Variants in REEP3 observed in about 807,000 individuals in gnomAD.
REEP3 encodes the protein receptor expression-enhancing protein 3.
A neutral mutation model predicts 41.3 loss-of-function variants in REEP3; 20 were observed. The observed-to-expected ratio is 0.48, with a 90% CI of 0.34 to 0.70. The LOEUF is 0.70. REEP3 is among the 30% of genes least tolerant of loss of function. The pLI is 0.01. For missense variants in REEP3, 271 were observed against 308.8 expected (o/e 0.88, Z 0.92); for synonymous variants, 104 against 101.8 (o/e 1.02, Z -0.13).
intron 1 of REEP3, among the ~76,000 whole-genome samples, chr10:63,550,258 T>C (rs1467550383): frequency 1.3e-5 from 2 of 152,202 alleles, no homozygotes; most frequent in South Asian, 4.1e-4. Flanking sequence ...CATCCAGTGA[T>C]AGAAGTGAAG....
At chr10:63,591,959 T>C (rs1956068226) in intron 2 of REEP3, among the ~76,000 whole-genome samples, 1 of 152,194 alleles carries the variant, frequency 6.6e-6, no homozygotes, top group African/African-American at 2.4e-5. Context: ...AGTTGTAAAA[T>C]AATGAAAACG....
chr10:63,575,069 T>C (rs955965396), intron 2 of REEP3, among the ~76,000 whole-genome samples: 2 of 152,042 alleles, frequency 1.3e-5, no homozygotes, highest in Non-Finnish European at 2.9e-5. Flanking sequence ...TTGGCCAAGC[T>C]GGTCTCGAAC....
At chr10:63,579,407 A>G (rs1366441742) in intron 2 of REEP3, among the ~76,000 whole-genome samples, 1 of 152,242 alleles carries the variant, frequency 6.6e-6, no homozygotes, top group Non-Finnish European at 1.5e-5. Flanking sequence ...GAAAGTAAGT[A>G]TTAAATTTGA....
chr10:63,614,831 T>G (rs1445165913), intron 6 of REEP3, among the ~76,000 whole-genome samples: 1 of 152,230 alleles, frequency 6.6e-6, no homozygotes, highest in East Asian at 1.9e-4. Flanking sequence ...GATGACAATC[T>G]GGCAGTAATC....
intron 2 of REEP3, among the ~76,000 whole-genome samples, chr10:63,591,662 CAT>C (rs1302602066): frequency 6.6e-6 from 1 of 152,156 alleles, no homozygotes; most frequent in Non-Finnish European, 1.5e-5. Context: ...TAGGAAAAAA[CAT>C]ATATTTTAAA....
chr10:63,559,467 A>G (rs1955721249), intron 1 of REEP3, among the ~76,000 whole-genome samples: 1 of 152,104 alleles, frequency 6.6e-6, no homozygotes, highest in African/African-American at 2.4e-5. Context: ...CTTGGTAGTA[A>G]TATGTATAGG....
intron 1 of REEP3, among the ~76,000 whole-genome samples, chr10:63,538,648 C>T (rs1413959759): frequency 3.9e-5 from 6 of 152,064 alleles, no homozygotes; most frequent in African/African-American, 9.7e-5. Flanking sequence ...GCAGGAGAAT[C>T]GCTTGAACCC....
chr10:63,551,974 T>C (rs536060550), intron 1 of REEP3, among the ~76,000 whole-genome samples: 2 of 152,318 alleles, frequency 1.3e-5, no homozygotes, highest in African/African-American at 4.8e-5. Context: ...TCACACTTTT[T>C]CTGCAAAACT....
At chr10:63,550,883 T>G (rs1955622869) in intron 1 of REEP3, among the ~76,000 whole-genome samples, 1 of 152,228 alleles carries the variant, frequency 6.6e-6, no homozygotes, top group African/African-American at 2.4e-5. Context: ...TAGGAAAGTC[T>G]TAATGCAAAG....
chr10:63,612,768 G>A (rs1956285830), intron 6 of REEP3, among the ~76,000 whole-genome samples: 1 of 151,242 alleles, frequency 6.6e-6, no homozygotes, highest in South Asian at 2.1e-4. Context: ...TCCAGCCTGG[G>A]TGACAGAGAG....
intron 1 of REEP3, among the ~76,000 whole-genome samples, chr10:63,532,781 C>G (rs1003424583): frequency 1.3e-5 from 2 of 151,942 alleles, no homozygotes; most frequent in African/African-American, 4.8e-5. Context: ...GCCTGCAGTC[C>G]CAGCTACTCA....
rs1382070664 is a variant in REEP3 at position 63,599,292 on chromosome 10, T to A, written c.417+9T>A. On this transcript the variant is annotated intron_variant, in intron 5 of 7. Coordinates refer to ENST00000373758, the MANE Select transcript of REEP3 (RefSeq NM_001001330.3). ...TTACTGCAGCAGTAAAGGTAATTGT[T>A]CATTTACCTTTTTAATCCAATGTCA... is the stretch of plus-strand genomic sequence containing the variant. 7.2e-6 allele frequency: 9 copies of A among 1,252,322 alleles called. No individual in the cohort carries two copies. The highest frequency in any genetic ancestry group is 1.5e-5 in the South Asian group (1 of 67,234). The allele number at this position is 1,252,322 out of a possible 1,614,324, so 77.6% of individuals were successfully genotyped here.
chr10:63,535,563 A>G (rs1270272234), intron 1 of REEP3, among the ~76,000 whole-genome samples: 1 of 152,166 alleles, frequency 6.6e-6, no homozygotes, highest in Non-Finnish European at 1.5e-5. Context: ...AGAAAAAGGA[A>G]TAAAAACTTT....
At chr10:63,570,032 A>G (rs1031994188) in intron 2 of REEP3, among the ~76,000 whole-genome samples, 3 of 152,184 alleles carry the variant, frequency 2.0e-5, no homozygotes, top group African/African-American at 4.8e-5. Flanking sequence ...GTTAATATTA[A>G]TTTTTAGAGA....
At chr10:63,606,230 TTTCC>T in intron 5 of REEP3, 2 of 202,962 alleles carry the variant, frequency 9.9e-6, no homozygotes, top group Non-Finnish European at 1.7e-5. Context: ...AAGACCGCTG[TTTCC>T]ATACAGCAGA....
chr10:63,577,526 C>T (rs1221877737), intron 2 of REEP3, among the ~76,000 whole-genome samples: 3 of 152,086 alleles, frequency 2.0e-5, no homozygotes, highest in Admixed American at 6.5e-5. Context: ...TGGGTTCATG[C>T]GATCCTCCCT....
At position 63,556,626 on chromosome 10, in the gene REEP3, GTTGTTTTGTTTTTTT is replaced by G. The variant is rs1955686505; in HGVS notation, c.33-9709_33-9695del. Among the ~76,000 whole-genome samples the G allele has an allele frequency of 5.4e-4, 47 of 87,098 alleles. 1 individual carries two copies. The highest frequency in any genetic ancestry group is 5.0e-3 in the Admixed American group (38 of 7,594). 57.1% of individuals were successfully genotyped at this position (87,098 alleles called of 152,430 possible). ...TTTCTGTTTGCTTGTTTTTTTTTTT[GTTGTTTTGTTTTTTT>G]TTTTTTTTTTTTGAGACGGAGTCTC... On this transcript the variant is annotated intron_variant, in intron 1 of 7. Transcript: ENST00000373758.
intron 3 of REEP3, among the ~76,000 whole-genome samples, chr10:63,596,631 A>G (rs1020593523): frequency 6.6e-6 from 1 of 152,164 alleles, no homozygotes; most frequent in Non-Finnish European, 1.5e-5. Context: ...TGAGCCTCTC[A>G]TTATATATTA....
intron 1 of REEP3, among the ~76,000 whole-genome samples, chr10:63,543,463 G>GTT (rs35146368): frequency 7.2e-6 from 1 of 138,308 alleles, no homozygotes. Context: ...GCCCCATTAA[G>GTT]TTTTTTTTTT....
Sources: gnomAD v4.1 joint callset for allele counts (sites outside exome capture counted in the v4.1 genomes callset) on GRCh38, gnomAD v4.1.1 for gene constraint, MANE v1.5 for transcripts, NCBI Gene and HGNC (gene_info 2026-07-23, HGNC 2026-07-21) for gene names.